CHSY3: variants seen among roughly 807,000 people sequenced by gnomAD.
The protein encoded by CHSY3 is N-acetylgalactosaminyl-proteoglycan 3-beta-glucuronosyltransferase 3.
In CHSY3, 35 loss-of-function variants were observed where a neutral mutation model predicts 67.2. That is an observed-to-expected ratio of 0.52 (90% CI 0.40 to 0.69). The LOEUF (loss-of-function observed/expected upper bound fraction) is 0.69. Among genes scored for constraint, CHSY3 ranks in the 30% least tolerant of loss-of-function variants. The pLI is 0.00. For missense variants in CHSY3, 1,069 were observed against 1,138.5 expected (o/e 0.94, Z 0.88); for synonymous variants, 474 against 434.7 (o/e 1.09, Z -1.12).
chr5:130,069,391 C>T (rs1041062760), intron 2 of CHSY3, among the ~76,000 whole-genome samples: 1 of 151,874 alleles, frequency 6.6e-6, no homozygotes. Flanking sequence ...TGATTCATGC[C>T]TGTAATCCCA....
Position 130,056,895 on chromosome 5 carries a change from A to G in CHSY3, c.1087-127334A>G, listed in dbSNP as rs112597488. Among the ~76,000 whole-genome samples the G allele has an allele frequency of 5.8e-5, 8 of 137,468 alleles. 2 individuals are homozygous for G. The highest frequency in any genetic ancestry group is 2.1e-4 in the African/African-American group (8 of 37,372). 90.2% of individuals were successfully genotyped at this position (137,468 alleles called of 152,430 possible). Reference sequence around the variant, plus strand: ...TATGCTACCTGGAAACAATATGTATATGTTTATTTTTAGCATTTCTTTCTT... The same window carrying G: ...TATGCTACCTGGAAACAATATGTATGTGTTTATTTTTAGCATTTCTTTCTT... On this transcript the variant is annotated intron_variant, in intron 2 of 2. Coordinates refer to ENST00000305031, the MANE Select transcript of CHSY3 (RefSeq NM_175856.5).
At chr5:130,144,750 CA>C (rs1182676923) in intron 2 of CHSY3, among the ~76,000 whole-genome samples, 1 of 152,088 alleles carries the variant, frequency 6.6e-6, no homozygotes, top group African/African-American at 2.4e-5. Context: ...TGCCTGACTT[CA>C]AAATATAGTA....
At chr5:130,054,250 A>G (rs1765456877) in intron 2 of CHSY3, among the ~76,000 whole-genome samples, 1 of 151,896 alleles carries the variant, frequency 6.6e-6, no homozygotes, top group African/African-American at 2.4e-5. Flanking sequence ...CATTTTTGTC[A>G]TTTTTCTGAA....
chr5:129,972,428 A>G (rs1762669290), intron 2 of CHSY3, among the ~76,000 whole-genome samples: 1 of 152,044 alleles, frequency 6.6e-6, no homozygotes, highest in African/African-American at 2.4e-5. Context: ...TCAGTCACAT[A>G]TAGATATATG....
intron 2 of CHSY3, among the ~76,000 whole-genome samples, chr5:129,919,097 G>A (rs1462703331): frequency 8.7e-6 from 1 of 114,412 alleles, no homozygotes; most frequent in Non-Finnish European, 1.7e-5. Flanking sequence ...CTGGGCGACA[G>A]AGCGAGACTC....
At chr5:130,115,439 C>T (rs927650969) in intron 2 of CHSY3, among the ~76,000 whole-genome samples, 1 of 152,084 alleles carries the variant, frequency 6.6e-6, no homozygotes, top group Non-Finnish European at 1.5e-5. Context: ...AATGTTTTTA[C>T]TTATGTTTTA....
intron 2 of CHSY3, among the ~76,000 whole-genome samples, chr5:129,975,284 T>C (rs1158313029): frequency 6.6e-6 from 1 of 152,132 alleles, no homozygotes; most frequent in Non-Finnish European, 1.5e-5. Context: ...TCGGATACAA[T>C]TATAGTAGCA....
intron 2 of CHSY3, among the ~76,000 whole-genome samples, chr5:130,032,391 A>G (rs4240411): frequency 0.61 from 92,721 of 151,936 alleles, 28,535 homozygotes; most frequent in African/African-American, 0.68. Context: ...TTGGATAATA[A>G]GGTGTTTAAA....
At chr5:130,074,426 A>G (rs887733631) in intron 2 of CHSY3, among the ~76,000 whole-genome samples, 2 of 152,170 alleles carry the variant, frequency 1.3e-5, no homozygotes, top group Non-Finnish European at 2.9e-5. Flanking sequence ...CATTCCTAAA[A>G]GATAAGGTAA....
At chr5:129,941,047 T>C (rs1371978685) in intron 2 of CHSY3, among the ~76,000 whole-genome samples, 3 of 152,014 alleles carry the variant, frequency 2.0e-5, no homozygotes, top group African/African-American at 4.8e-5. Flanking sequence ...AGGTAGAGCC[T>C]GTCTCTACAA....
At chr5:130,043,755 G>A (rs1415012968) in intron 2 of CHSY3, among the ~76,000 whole-genome samples, 1 of 104,124 alleles carries the variant, frequency 9.6e-6, no homozygotes, top group Non-Finnish European at 2.3e-5. Context: ...CACCTGACGT[G>A]TGCATATGTT....
chr5:129,931,360 C>T (rs1761302523), intron 2 of CHSY3, among the ~76,000 whole-genome samples: 2 of 152,020 alleles, frequency 1.3e-5, no homozygotes, highest in Admixed American at 6.6e-5. Flanking sequence ...TCATTAAGTG[C>T]TTGATAAGTT....
intron 2 of CHSY3, among the ~76,000 whole-genome samples, chr5:130,048,349 G>A (rs1034796032): frequency 6.6e-5 from 10 of 151,870 alleles, no homozygotes; most frequent in African/African-American, 2.2e-4. Flanking sequence ...ATATATTCCT[G>A]CTCCTTGATG....
chr5:130,008,156 G>A (rs925485342), intron 2 of CHSY3, among the ~76,000 whole-genome samples: 5 of 152,250 alleles, frequency 3.3e-5, no homozygotes, highest in African/African-American at 4.8e-5. Flanking sequence ...CTATGCCAGC[G>A]CTGGTGCACA....
chr5:130,112,055 A>G (rs1316463692), intron 2 of CHSY3, among the ~76,000 whole-genome samples: 1 of 152,114 alleles, frequency 6.6e-6, no homozygotes, highest in Non-Finnish European at 1.5e-5. Flanking sequence ...TTCAGAATCT[A>G]TGTTCCAGTC....
chr5:130,089,303 C>T (rs1270881117), intron 2 of CHSY3, among the ~76,000 whole-genome samples: 1 of 151,056 alleles, frequency 6.6e-6, no homozygotes, highest in Non-Finnish European at 1.5e-5. Flanking sequence ...AGCACACCAG[C>T]ATGGCACATG....
At chr5:130,174,403 C>A (rs1427110312) in intron 2 of CHSY3, among the ~76,000 whole-genome samples, 6 of 151,134 alleles carry the variant, frequency 4.0e-5, no homozygotes, top group African/African-American at 4.8e-5. Context: ...ATAGAGAAGA[C>A]CAAAGATTTT....
chr5:129,960,602 A>C (rs1332494852), intron 2 of CHSY3, among the ~76,000 whole-genome samples: 1 of 152,082 alleles, frequency 6.6e-6, no homozygotes, highest in Non-Finnish European at 1.5e-5. Flanking sequence ...GATTTTAATT[A>C]GATTTATTTG....
At chr5:130,093,695 A>G (rs1428600824) in intron 2 of CHSY3, among the ~76,000 whole-genome samples, 1 of 152,130 alleles carries the variant, frequency 6.6e-6, no homozygotes, top group Non-Finnish European at 1.5e-5. Flanking sequence ...TGTAAAGTCA[A>G]TACTTTAGGC....
Sources: gnomAD v4.1 joint callset for allele counts (sites outside exome capture counted in the v4.1 genomes callset) on GRCh38, gnomAD v4.1.1 for gene constraint, MANE v1.5 for transcripts, NCBI Gene and HGNC (gene_info 2026-07-23, HGNC 2026-07-21) for gene names.